Variants in SEMA6D observed in about 807,000 individuals in gnomAD.
The protein encoded by SEMA6D is semaphorin 6D.
Under a neutral mutation model 106.6 loss-of-function variants are expected in SEMA6D, and 35 were observed. That is an observed-to-expected ratio of 0.33 (90% CI 0.25 to 0.44). The LOEUF (loss-of-function observed/expected upper bound fraction) is 0.44. Ranked by LOEUF, SEMA6D falls within the 20% of genes least tolerant of loss-of-function variation. The probability of loss-of-function intolerance (pLI) is 1.00; values close to 1 mark genes in which losing one functional copy is unlikely to be tolerated. For synonymous variants in SEMA6D, 499 were observed against 487.7 expected, an observed-to-expected ratio of 1.02 and a Z score of -0.31; for missense variants, 1,185 against 1,345.9, an observed-to-expected ratio of 0.88 and a Z score of 1.87.
intron 1 of SEMA6D, among the ~76,000 whole-genome samples, chr15:47,184,735 G>GTGGCCCCACCTCT (rs1163627716): frequency 3.3e-5 from 5 of 151,860 alleles, no homozygotes; most frequent in Non-Finnish European, 7.4e-5. Flanking sequence ...TTTATGGCTC[G>GTGGCCCCACCTCT]TGGCCCCACC....
At chr15:47,316,549 G>A (rs2036688535) in intron 1 of SEMA6D, among the ~76,000 whole-genome samples, 1 of 150,004 alleles carries the variant, frequency 6.7e-6, no homozygotes, top group Non-Finnish European at 1.5e-5. Flanking sequence ...TTTGGGGGGG[G>A]TTTTGTAGAT....
intron 1 of SEMA6D, among the ~76,000 whole-genome samples, chr15:47,272,147 A>T (rs911797101): frequency 2.7e-4 from 41 of 152,210 alleles, no homozygotes; most frequent in African/African-American, 9.7e-4. Context: ...AGAGAGAAAA[A>T]TGGAAAAGTT....
rs13380145 is a variant in SEMA6D at position 47,286,083 on chromosome 15, G to A, written c.-239+101665G>A. On this transcript the variant is annotated intron_variant, in intron 1 of 19. Transcript: ENST00000558014. ...TCAGAATGCAGGTTCTTAAGAGGAC[G>A]TGTCTGAACTTTAGGACTCTGGGTT... Among the ~76,000 whole-genome samples, 8,384 of 152,156 alleles carry A rather than the reference G, an allele frequency of 0.055. 1,236 individuals carry two copies. In the East Asian group the frequency reaches 0.61, roughly 11 times the overall value.
intron 1 of SEMA6D, among the ~76,000 whole-genome samples, chr15:47,201,356 A>G (rs1239801240): frequency 6.6e-6 from 1 of 152,196 alleles, no homozygotes; most frequent in Non-Finnish European, 1.5e-5. Context: ...GGCCTAATTT[A>G]TCTAAGAAAT....
intron 1 of SEMA6D, among the ~76,000 whole-genome samples, chr15:47,409,899 T>TG (rs368418987): frequency 9.6e-4 from 120 of 125,356 alleles, no homozygotes; most frequent in African/African-American, 2.6e-3. Flanking sequence ...TTCGGGGTTG[T>TG]GGGGGGGGTG....
intron 3 of SEMA6D, among the ~76,000 whole-genome samples, chr15:47,541,888 T>C (rs1256860228): frequency 6.6e-6 from 1 of 152,188 alleles, no homozygotes; most frequent in Admixed American, 6.5e-5. Context: ...ATGCTCTGAG[T>C]GATCAGAGCT....
chr15:47,275,773 T>C (rs1442369466), intron 1 of SEMA6D, among the ~76,000 whole-genome samples: 1 of 152,162 alleles, frequency 6.6e-6, no homozygotes, highest in African/African-American at 2.4e-5. Context: ...GGAAAAGTCA[T>C]GTATCTCTCA....
chr15:47,330,347 C>T lies in SEMA6D; in HGVS notation c.-238-82046C>T, dbSNP rs547968309. 3.9e-5 allele frequency among the ~76,000 whole-genome samples: 6 copies of T among 152,264 alleles called. No homozygotes were observed. The South Asian group carries it at 1.0e-3, about 26-fold the overall frequency. Reference sequence around the variant, plus strand: ...TGGGTAAGGCATTCACAGACATGCACTATCTCCTAGAAGGGATCATTAAAT... The same window carrying T: ...TGGGTAAGGCATTCACAGACATGCATTATCTCCTAGAAGGGATCATTAAAT... On this transcript the variant is annotated intron_variant, in intron 1 of 19. Coordinates refer to the SEMA6D transcript ENST00000558014.
intron 4 of SEMA6D, among the ~76,000 whole-genome samples, chr15:47,643,430 A>T (rs75237247): frequency 0.061 from 9,212 of 152,260 alleles, 954 homozygotes; most frequent in African/African-American, 0.21. Context: ...GCTTCAAATA[A>T]GTAACCTAGC....
At chr15:47,738,391 A>G (rs773844319) in intron 1 of SEMA6D, among the ~76,000 whole-genome samples, 1 of 152,136 alleles carries the variant, frequency 6.6e-6, no homozygotes, top group Non-Finnish European at 1.5e-5. Context: ...TTCTTTATCC[A>G]GTGTACCATT....
chr15:47,367,710 A>G (rs1298970149), intron 1 of SEMA6D, among the ~76,000 whole-genome samples: 118 of 150,138 alleles, frequency 7.9e-4, no homozygotes, highest in African/African-American at 2.0e-3. Context: ...ACACACACAC[A>G]CACACACACA....
chr15:47,673,252 A>G (rs569170542), intron 4 of SEMA6D, among the ~76,000 whole-genome samples: 1 of 152,342 alleles, frequency 6.6e-6, no homozygotes, highest in South Asian at 2.1e-4. Flanking sequence ...AATCTGTTGT[A>G]CACTTTTCTT....
At chr15:47,765,322 CTT>C in intron 13 of SEMA6D, 5 of 1,232,124 alleles carry the variant, frequency 4.1e-6, no homozygotes, top group Non-Finnish European at 5.1e-6. Flanking sequence ...CAGCACCTCT[CTT>C]ATCTTGCAGA....
chr15:47,456,286 C>T (rs2042344244), intron 2 of SEMA6D, among the ~76,000 whole-genome samples: 2 of 151,850 alleles, frequency 1.3e-5, no homozygotes, highest in Admixed American at 1.3e-4. Context: ...ATTCAGGAGT[C>T]CATGAACTTG....
At chr15:47,393,185 T>C (rs1438930033) in intron 1 of SEMA6D, 3 of 152,206 alleles carry the variant, frequency 2.0e-5, no homozygotes, top group Non-Finnish European at 4.4e-5. Flanking sequence ...ATCACAATCT[T>C]ATCCTTCAAG....
At chr15:47,656,147 A>G (rs2077789125) in intron 4 of SEMA6D, among the ~76,000 whole-genome samples, 1 of 152,256 alleles carries the variant, frequency 6.6e-6, no homozygotes, top group African/African-American at 2.4e-5. Context: ...AGCTTTGTTC[A>G]CATTTGAGTT....
chr15:47,704,718 CA>C (rs34821323), intron 4 of SEMA6D, among the ~76,000 whole-genome samples: 17 of 149,502 alleles, frequency 1.1e-4, no homozygotes, highest in South Asian at 6.3e-4. Flanking sequence ...GACCCTGTCT[CA>C]AAAAAAAAAT....
intron 3 of SEMA6D, among the ~76,000 whole-genome samples, chr15:47,533,226 A>G (rs527505162): frequency 6.6e-6 from 1 of 152,320 alleles, no homozygotes; most frequent in Non-Finnish European, 1.5e-5. Flanking sequence ...TACTTGGGTG[A>G]AAATTTTCAA....
intron 1 of SEMA6D, among the ~76,000 whole-genome samples, chr15:47,281,156 A>G (rs371622875): frequency 8.6e-6 from 1 of 116,326 alleles, no homozygotes; most frequent in Non-Finnish European, 1.8e-5. Flanking sequence ...CTAATGTGTG[A>G]GAGTCTAAGT....
Sources: allele counts gnomAD v4.1 joint callset (sites outside exome capture counted in the v4.1 genomes callset), GRCh38; gene constraint gnomAD v4.1.1; transcripts MANE v1.5; gene names NCBI Gene and HGNC (gene_info 2026-07-23, HGNC 2026-07-21).